Variants in PPCS observed in about 807,000 individuals in gnomAD.
PPCS encodes the protein phosphopantothenate--cysteine ligase.
PPCS carries 17 observed loss-of-function variants against 24.6 expected under a neutral mutation model. The observed-to-expected ratio is 0.69, with a 90% CI of 0.47 to 1.04. PPCS has a LOEUF of 1.04. Among genes scored for constraint, PPCS ranks in the 50% least tolerant of loss-of-function variants. The pLI is 0.00. For synonymous variants in PPCS, 190 were observed against 168.3 expected, an observed-to-expected ratio of 1.13 and a Z score of -1.00; for missense variants, 360 against 402.8, an observed-to-expected ratio of 0.89 and a Z score of 0.91.
rs1387819528 is a variant in PPCS at position 42,456,575 on chromosome 1, A to G, written c.10A>G (p.Met4Val). The G allele has an allele frequency of 3.4e-6, 5 of 1,484,154 alleles. No individual in the cohort carries two copies. The highest frequency in any genetic ancestry group is 2.6e-5 in the Admixed American group (1 of 37,802). 91.9% of individuals were successfully genotyped at this position (1,484,154 alleles called of 1,614,324 possible). Reference sequence around the variant, plus strand: ...GGCCGCTGCGCTGCAGATGGCGGAAATGGATCCGGTAGCCGAGTTCCCCCA... The same window carrying G: ...GGCCGCTGCGCTGCAGATGGCGGAAGTGGATCCGGTAGCCGAGTTCCCCCA... The part of the protein sequence containing the change: MAE[M>V]DPVAEFPQPP... The change falls in exon 1 of 3, where the codon ATG becomes GTG. Residue 4 changes from methionine (M) to valine (V), a missense_variant. Around this residue, in one of 2 missense-constraint regions of PPCS, gnomAD observed 244 missense variants for 234.7 expected, o/e 1.04. Transcript: ENST00000372561.
At chr1:42,456,423 A>T, upstream of PPCS, 1 of 904,736 alleles carries the variant, frequency 1.1e-6, no homozygotes, top group Non-Finnish European at 1.6e-6. Context: ...GCATTTCCAG[A>T]CTTGGCGAGA....
At position 42,456,987 on chromosome 1, in the gene PPCS, C is replaced by T; in HGVS notation, c.422C>T (p.Ala141Val). The change falls in exon 1 of 3, where the codon GCA (alanine) becomes GTA (valine). Residue 141 changes from alanine to valine, a missense_variant. Physicochemically the swap from Ala to Val is moderately conservative, Grantham distance 64 (BLOSUM62 0). Coordinates refer to ENST00000372561, the MANE Select transcript of PPCS (RefSeq NM_024664.4). ...AGGAGCTACCAGGAGGCTGCGGCTGCAGGCACCTTCCTGGCAGTAGAGTTC... is the reference window on the plus strand; with the variant it reads ...AGGAGCTACCAGGAGGCTGCGGCTGTAGGCACCTTCCTGGCAGTAGAGTTC... ...ALRSYQEAAA[A>V]GTFLAVEFTT... The T allele has an allele frequency of 6.2e-7, 1 of 1,602,608 alleles. No individual in the cohort carries two copies. The highest frequency in any genetic ancestry group is 8.5e-7 in the Non-Finnish European group (1 of 1,179,952).
chr1:42,473,257 C>T, exon 3 of PPCS: 1 of 1,231,572 alleles, frequency 8.1e-7, no homozygotes, highest in Non-Finnish European at 1.0e-6. Flanking sequence ...ACTGCTACCA[C>T]AGATGTAGAA....
Position 42,460,378 on chromosome 1 carries a change from A to G in PPCS, c.*452A>G. On this transcript the variant is annotated 3_prime_UTR_variant, in exon 3 of 3. Transcript: ENST00000372561. ...TGGATGTATAAAAAAATCAAGTGCA[A>G]TAAAGTGTGTGTCCAAAAGCTGACA... The G allele has an allele frequency of 3.0e-6, 3 of 987,302 alleles. No homozygotes were observed. The highest frequency in any genetic ancestry group is 9.3e-5 in the South Asian group (2 of 21,418). 61.2% of individuals were successfully genotyped at this position (987,302 alleles called of 1,614,324 possible). A position where few individuals can be genotyped will look rare whatever the true frequency, so the allele number is the denominator to read the frequency against.
upstream of PPCS, chr1:42,456,538 T>A (rs777219268): frequency 1.4e-6 from 2 of 1,444,740 alleles, no homozygotes; most frequent in Non-Finnish European, 1.8e-6. Flanking sequence ...CCGCGAAACG[T>A]GCGCAGGCGC....
At chr1:42,467,048 G>C (rs995877083) in intron 2 of PPCS, among the ~76,000 whole-genome samples, 1 of 152,176 alleles carries the variant, frequency 6.6e-6, no homozygotes, top group Non-Finnish European at 1.5e-5. Context: ...AGAGTGACCT[G>C]AATGTCAAAA....
At chr1:42,464,011 C>G (rs368496452), downstream of PPCS, 1 of 152,396 alleles carries the variant, frequency 6.6e-6, no homozygotes, top group African/African-American at 2.4e-5. Flanking sequence ...TCCCTGTTCA[C>G]GCTGCACATT....
downstream of PPCS, among the ~76,000 whole-genome samples, chr1:42,464,852 A>G (rs1643518160): frequency 6.6e-6 from 1 of 152,240 alleles, no homozygotes; most frequent in Admixed American, 6.5e-5. Flanking sequence ...TCTCAGTCCA[A>G]TAGAAGCAGT....
chr1:42,456,364 C>T (rs2148414335), upstream of PPCS: 2 of 649,862 alleles, frequency 3.1e-6, no homozygotes, highest in East Asian at 5.7e-5. Flanking sequence ...GCCGGGGATC[C>T]CCCTCGTTGC....
At chr1:42,466,820 G>C (rs959727135) in intron 2 of PPCS, among the ~76,000 whole-genome samples, 1 of 152,154 alleles carries the variant, frequency 6.6e-6, no homozygotes, top group Non-Finnish European at 1.5e-5. Context: ...CCAAAGTGCT[G>C]GGATTACAGG....
rs1428533120 is a variant in PPCS at position 42,459,928 on chromosome 1, G to C, written c.*2G>C. ...GCTTTTATAGGTGACAGAAACTGAAGTAAAAAGCCCTTATAGGATCAAAAA... is the reference window on the plus strand; with the variant it reads ...GCTTTTATAGGTGACAGAAACTGAACTAAAAAGCCCTTATAGGATCAAAAA... On this transcript the variant is annotated 3_prime_UTR_variant, in exon 3 of 3. Transcript: ENST00000372561. 1.2e-6 allele frequency: 2 copies of C among 1,600,594 alleles called. No homozygotes were observed. Among genetic ancestry groups the C allele is most frequent in the Non-Finnish European group, 1.7e-6 (2 of 1,173,652 alleles).
rs1241926881 is a variant in PPCS, at chr1:42,459,882, A to T, written c.892A>T (p.Asn298Tyr). Residue 298 changes from asparagine to tyrosine, a missense_variant, in exon 3 of 3, where the codon AAT becomes TAT. Physicochemically the swap from Asn to Tyr is moderately radical, Grantham distance 143 (BLOSUM62 -2). Coordinates refer to ENST00000372561, the MANE Select transcript of PPCS (RefSeq NM_024664.4). Reference sequence around the variant, plus strand: ...AGAGATAGAAGAGAAGATAGTGGATAATCTTCAGTCTCGACACACAGCTTT... The same window carrying T: ...AGAGATAGAAGAGAAGATAGTGGATTATCTTCAGTCTCGACACACAGCTTT... Reference protein sequence around the residue: ...GVEIEEKIVDNLQSRHTAFIG... With the variant: ...GVEIEEKIVDYLQSRHTAFIG... 1.2e-6 allele frequency: 2 copies of T among 1,613,670 alleles called. No individual in the cohort carries two copies. The highest frequency in any genetic ancestry group is 2.2e-5 in the East Asian group (1 of 44,868).
downstream of PPCS, among the ~76,000 whole-genome samples, chr1:42,465,727 A>G (rs1643557412): frequency 6.6e-6 from 1 of 152,158 alleles, no homozygotes; most frequent in Non-Finnish European, 1.5e-5. Flanking sequence ...ACATTTGGCA[A>G]TGTACGTAAG....
intron 2 of PPCS, among the ~76,000 whole-genome samples, chr1:42,466,931 T>G (rs1205486552): frequency 6.6e-6 from 1 of 152,204 alleles, no homozygotes; most frequent in Non-Finnish European, 1.5e-5. Flanking sequence ...TAATTTAGTT[T>G]TATTACTTCA....
At chr1:42,464,370 A>C (rs138998508), downstream of PPCS, among the ~76,000 whole-genome samples, 28 of 152,358 alleles carry the variant, frequency 1.8e-4, no homozygotes, top group African/African-American at 5.8e-4. Context: ...ATCAATGTGA[A>C]AAGGGCATTC....
rs866402846 is a variant in PPCS, at chr1:42,456,609, G to C, written c.44G>C (p.Gly15Ala). The change falls in exon 1 of 3, where the codon GGT (glycine) becomes GCT (alanine). Residue 15 changes from glycine to alanine, a missense_variant. Physicochemically the swap from Gly to Ala is moderately conservative, Grantham distance 60. Coordinates refer to ENST00000372561, the MANE Select transcript of PPCS (RefSeq NM_024664.4). ...DPVAEFPQPP[G>A]AARWAEVMAR... ...GTAGCCGAGTTCCCCCAGCCTCCCG[G>C]TGCTGCGCGCTGGGCTGAGGTTATG... 1 of 1,531,318 alleles carries C rather than the reference G, an allele frequency of 6.5e-7. No individual in the cohort carries two copies. The highest frequency in any genetic ancestry group is 1.4e-5 in the African/African-American group (1 of 72,056). The allele number at this position is 1,531,318 out of a possible 1,614,324, so 94.9% of individuals were successfully genotyped here.
rs1337208129 is a variant in PPCS at position 42,461,142 on chromosome 1, C to A, written c.*1216C>A. Among the ~76,000 whole-genome samples the A allele has an allele frequency of 6.6e-6, 1 of 152,170 alleles. No homozygotes were observed. Among genetic ancestry groups the A allele is most frequent in the Admixed American group, 6.5e-5 (1 of 15,274 alleles). Reference sequence around the variant, plus strand: ...TCACATAAATATTTGACTTAAAATACAATTCATGGTGTTTCATGGAGTAGG... The same window carrying A: ...TCACATAAATATTTGACTTAAAATAAAATTCATGGTGTTTCATGGAGTAGG... On this transcript the variant is annotated 3_prime_UTR_variant, in exon 3 of 3. Coordinates refer to ENST00000372561, the MANE Select transcript of PPCS (RefSeq NM_024664.4).
At chr1:42,468,227 A>T (rs1643654132) in intron 2 of PPCS, among the ~76,000 whole-genome samples, 1 of 152,246 alleles carries the variant, frequency 6.6e-6, no homozygotes, top group Admixed American at 6.5e-5. Flanking sequence ...AGTCAAAAAT[A>T]AAACAATCTA....
At chr1:42,463,025 G>A (rs1245895261), downstream of PPCS, among the ~76,000 whole-genome samples, 1 of 152,194 alleles carries the variant, frequency 6.6e-6, no homozygotes, top group Non-Finnish European at 1.5e-5. Flanking sequence ...TTCTTTGAGA[G>A]CTAGAACGCC....
Sources: allele counts gnomAD v4.1 joint callset (sites outside exome capture counted in the v4.1 genomes callset), GRCh38; gene constraint gnomAD v4.1.1; regional missense constraint gnomAD v4.1.1; transcripts MANE v1.5; gene names NCBI Gene and HGNC (gene_info 2026-07-23, HGNC 2026-07-21).